The following STRN3 variants were observed in gnomAD, a reference collection of about 807,000 sequenced individuals.
STRN3 encodes the protein striatin-3.
In STRN3, 29 loss-of-function variants were observed where a neutral mutation model predicts 95.6. That is an observed-to-expected ratio of 0.30 (90% CI 0.23 to 0.41). The LOEUF (loss-of-function observed/expected upper bound fraction) is 0.41, where lower values mean the gene tolerates loss of function less well. Ranked by LOEUF, STRN3 falls within the 10% of genes least tolerant of loss-of-function variation. The pLI, the probability that STRN3 is intolerant of heterozygous loss-of-function variation, is 1.00. For synonymous variants in STRN3, 331 were observed against 357.6 expected (o/e 0.93, Z 0.84); for missense variants, 890 against 972.1 (o/e 0.92, Z 1.12).
chr14:30,964,073 G>T (rs763856801), intron 1 of STRN3, among the ~76,000 whole-genome samples: 1 of 152,066 alleles, frequency 6.6e-6, no homozygotes, highest in African/African-American at 2.4e-5. Flanking sequence ...CCAACATGGC[G>T]AAACCCCATC....
At chr14:30,980,242 A>G (rs10142411) in intron 1 of STRN3, among the ~76,000 whole-genome samples, 28,823 of 151,782 alleles carry the variant, frequency 0.19, 3,251 homozygotes, top group Non-Finnish European at 0.26. Context: ...AAGACTCTGT[A>G]TGGGGGCGGG....
intron 1 of STRN3, among the ~76,000 whole-genome samples, chr14:30,986,823 G>A (rs947354165): frequency 6.6e-6 from 1 of 152,066 alleles, no homozygotes; most frequent in African/African-American, 2.4e-5. Flanking sequence ...TTTCAGTAAT[G>A]AAACTGTTAA....
intron 5 of STRN3, among the ~76,000 whole-genome samples, chr14:30,946,430 G>C (rs1879362826): frequency 1.3e-5 from 2 of 152,070 alleles, no homozygotes; most frequent in Admixed American, 6.6e-5. Context: ...TGGAATCTGA[G>C]CAACTCAGGA....
intron 1 of STRN3, among the ~76,000 whole-genome samples, chr14:30,999,705 T>C (rs1321770631): frequency 6.6e-6 from 1 of 152,018 alleles, no homozygotes; most frequent in Non-Finnish European, 1.5e-5. Context: ...TACCAACATA[T>C]GCATGATGAG....
intron 8 of STRN3, among the ~76,000 whole-genome samples, chr14:30,924,426 C>A (rs1313221138): frequency 2.7e-5 from 4 of 150,870 alleles, no homozygotes; most frequent in South Asian, 2.1e-4. Flanking sequence ...GTAGCTGGGA[C>A]TACAGGCATG....
At chr14:30,907,335 T>C (rs1044865593) in intron 13 of STRN3, among the ~76,000 whole-genome samples, 4 of 151,858 alleles carry the variant, frequency 2.6e-5, no homozygotes, top group African/African-American at 7.3e-5. Flanking sequence ...TTACATACCA[T>C]ACAACTCTCT....
intron 1 of STRN3, among the ~76,000 whole-genome samples, chr14:30,976,287 G>A (rs1881100877): frequency 6.6e-6 from 1 of 152,168 alleles, no homozygotes; most frequent in Admixed American, 6.5e-5. Context: ...AGATAAAGCA[G>A]ACTTCAGAAC....
chr14:30,909,210 G>A (rs1399722896), intron 13 of STRN3, among the ~76,000 whole-genome samples: 1 of 152,130 alleles, frequency 6.6e-6, no homozygotes, highest in South Asian at 2.1e-4. Context: ...TTTTTTTAGA[G>A]ATGGGGTCTT....
chr14:30,928,045 G>A (rs1287539537), intron 8 of STRN3, among the ~76,000 whole-genome samples: 3 of 151,644 alleles, frequency 2.0e-5, no homozygotes, highest in Admixed American at 2.0e-4. Flanking sequence ...TTGCATTATA[G>A]GTAAATGATG....
At chr14:30,899,098 A>G (rs1270042377) in intron 16 of STRN3, among the ~76,000 whole-genome samples, 3 of 152,236 alleles carry the variant, frequency 2.0e-5, no homozygotes, top group Admixed American at 1.3e-4. Flanking sequence ...CCAAGAGGAC[A>G]GGACATTTTA....
At position 30,956,127 on chromosome 14, in the gene STRN3, A is replaced by G; in HGVS notation, c.386+12T>C. On this transcript the variant is annotated intron_variant, in intron 2 of 17. Transcript: ENST00000357479. ...TCTACTTTATTCATGTAACAAAATG[A>G]GGCACACATACCTTTCTTGTTTTAA... is the stretch of plus-strand genomic sequence containing the variant. The G allele has an allele frequency of 6.3e-7, 1 of 1,597,636 alleles. No individual in the cohort carries two copies. Among genetic ancestry groups the G allele is most frequent in the South Asian group, 1.1e-5 (1 of 90,750 alleles).
At chr14:30,976,525 G>A (rs1594526498) in intron 1 of STRN3, among the ~76,000 whole-genome samples, 1 of 150,794 alleles carries the variant, frequency 6.6e-6, no homozygotes, top group Admixed American at 6.6e-5. Context: ...CAATCAGCTG[G>A]ATCTAATTGA....
intron 4 of STRN3, among the ~76,000 whole-genome samples, chr14:30,947,899 T>C (rs1444136256): frequency 6.6e-6 from 1 of 152,204 alleles, no homozygotes; most frequent in African/African-American, 2.4e-5. Context: ...GAGTTGTGAA[T>C]GGTTCTGTGA....
At chr14:31,019,986 G>C (rs572951282) in intron 1 of STRN3, among the ~76,000 whole-genome samples, 2 of 150,552 alleles carry the variant, frequency 1.3e-5, no homozygotes, top group Non-Finnish European at 3.0e-5. Flanking sequence ...ACCTCCCAAA[G>C]CGCTGGGATT....
chr14:30,915,274 T>C (rs186595124), intron 9 of STRN3, among the ~76,000 whole-genome samples: 1 of 152,304 alleles, frequency 6.6e-6, no homozygotes, highest in African/African-American at 2.4e-5. Context: ...ACACAATTCA[T>C]ATATATACTA....
chr14:30,900,053 C>T (rs182260395), intron 16 of STRN3, among the ~76,000 whole-genome samples: 1 of 152,192 alleles, frequency 6.6e-6, no homozygotes, highest in East Asian at 1.9e-4. Flanking sequence ...TTTTAAAGAA[C>T]TTCTCTGAAA....
At chr14:30,981,983 C>A (rs1404035543) in intron 1 of STRN3, among the ~76,000 whole-genome samples, 1 of 150,696 alleles carries the variant, frequency 6.6e-6, no homozygotes, top group Non-Finnish European at 1.5e-5. Flanking sequence ...GTAATCCCAG[C>A]TACTTGGGAG....
At chr14:30,948,194 C>CA (rs1566451972) in intron 4 of STRN3, among the ~76,000 whole-genome samples, 1 of 151,918 alleles carries the variant, frequency 6.6e-6, no homozygotes, top group Non-Finnish European at 1.5e-5. Flanking sequence ...TGGGTACATT[C>CA]AAAAAAATTA....
intron 8 of STRN3, among the ~76,000 whole-genome samples, chr14:30,927,384 A>T (rs1349036287): frequency 6.6e-6 from 1 of 152,010 alleles, no homozygotes; most frequent in African/African-American, 2.4e-5. Context: ...AAAAAATTTT[A>T]AGAAAAGTTT....
Sources: gnomAD v4.1 joint callset for allele counts (sites outside exome capture counted in the v4.1 genomes callset) on GRCh38, gnomAD v4.1.1 for gene constraint, MANE v1.5 for transcripts, NCBI Gene and HGNC (gene_info 2026-07-23, HGNC 2026-07-21) for gene names.